UNC5D: variants seen among roughly 807,000 people sequenced by gnomAD.
UNC5D encodes netrin receptor UNC5D.
In UNC5D, 39 loss-of-function variants were observed where a neutral mutation model predicts 105.4. The observed-to-expected ratio is 0.37, with a 90% CI of 0.29 to 0.48. The LOEUF (loss-of-function observed/expected upper bound fraction) is 0.48. UNC5D is among the 20% of genes least tolerant of loss of function. The pLI is 0.98. For synonymous variants in UNC5D, 452 were observed against 450.4 expected (o/e 1.00, Z -0.04); for missense variants, 991 against 1,202.4 (o/e 0.82, Z 2.60).
At position 35,706,701 on chromosome 8, in the gene UNC5D, G is replaced by A. The variant is rs569080138; in HGVS notation, c.1117+740G>A. On this transcript the variant is annotated intron_variant, in intron 8 of 16. Coordinates refer to ENST00000404895, the MANE Select transcript of UNC5D (RefSeq NM_080872.4). ...CTCCTCAGGTGACTCCAAGGTGCAG[G>A]TGGGGCTGAGAACCATGATTTTAGA... 3.8e-4 allele frequency among the ~76,000 whole-genome samples: 58 copies of A among 152,258 alleles called. No individual in the cohort carries two copies. In the South Asian group the frequency reaches 0.012, roughly 31 times the overall value.
At chr8:35,673,418 A>G (rs1396903611) in intron 4 of UNC5D, among the ~76,000 whole-genome samples, 2 of 152,212 alleles carry the variant, frequency 1.3e-5, no homozygotes, top group African/African-American at 4.8e-5. Context: ...TTAGGCAAAT[A>G]TTAAAGAGTA....
rs77038652 is a variant in UNC5D at position 35,279,516 on chromosome 8, A to G, written c.103+43629A>G. Among the ~76,000 whole-genome samples, 202 of 152,328 alleles carry G rather than the reference A, an allele frequency of 1.3e-3. 2 individuals are homozygous for G. In the East Asian group the frequency reaches 0.033, roughly 25 times the overall value. On this transcript the variant is annotated intron_variant, in intron 1 of 16. Coordinates refer to ENST00000404895, the MANE Select transcript of UNC5D (RefSeq NM_080872.4). ...TGCAATGAAGAGAAAACTTGTCAGC[A>G]TTGTATTTTTGTTGTAGGTCACCAT... is the stretch of plus-strand genomic sequence containing the variant.
intron 1 of UNC5D, among the ~76,000 whole-genome samples, chr8:35,461,304 C>T (rs1808877298): frequency 6.6e-6 from 1 of 152,162 alleles, no homozygotes; most frequent in South Asian, 2.1e-4. Context: ...TATGCTTGAA[C>T]TCCCTATCTG....
intron 11 of UNC5D, among the ~76,000 whole-genome samples, chr8:35,741,960 C>A (rs983346647): frequency 4.6e-5 from 7 of 152,146 alleles, no homozygotes; most frequent in African/African-American, 1.7e-4. Context: ...AGTTTTAGAA[C>A]CACTTGAAGA....
At chr8:35,542,603 T>C (rs1373371219) in intron 1 of UNC5D, among the ~76,000 whole-genome samples, 1 of 152,232 alleles carries the variant, frequency 6.6e-6, no homozygotes, top group African/African-American at 2.4e-5. Context: ...TTAGCCTGCT[T>C]TGCAAGATAG....
At chr8:35,698,549 A>G (rs573263386) in intron 7 of UNC5D, among the ~76,000 whole-genome samples, 3 of 152,252 alleles carry the variant, frequency 2.0e-5, no homozygotes, top group African/African-American at 7.2e-5. Flanking sequence ...TTTACTTAGT[A>G]TATTCTGCAA....
chr8:35,523,248 A>G (rs529619479), intron 1 of UNC5D, among the ~76,000 whole-genome samples: 1 of 152,000 alleles, frequency 6.6e-6, no homozygotes, highest in African/African-American at 2.4e-5. Flanking sequence ...ACGTCTAGCT[A>G]ACTTTTTATT....
chr8:35,683,892 A>G (rs1210153937), intron 5 of UNC5D, among the ~76,000 whole-genome samples, 165 bp downstream of exon 5: 2 of 152,098 alleles, frequency 1.3e-5, no homozygotes, highest in Non-Finnish European at 2.9e-5. Context: ...AAACATCACT[A>G]TTTCTATTAA....
At chr8:35,583,194 C>T (rs1262463238) in intron 3 of UNC5D, among the ~76,000 whole-genome samples, 1 of 152,048 alleles carries the variant, frequency 6.6e-6, no homozygotes, top group Non-Finnish European at 1.5e-5. Context: ...TCTACAAAAA[C>T]ATTTAAAAAT....
chr8:35,566,769 A>G (rs1586147758), intron 2 of UNC5D, among the ~76,000 whole-genome samples: 1 of 152,308 alleles, frequency 6.6e-6, no homozygotes, highest in Middle Eastern at 3.4e-3. Context: ...ACATGAGGCA[A>G]TTAGATGGAA....
intron 16 of UNC5D, among the ~76,000 whole-genome samples, chr8:35,789,601 G>A (rs1802935333): frequency 1.3e-5 from 2 of 151,884 alleles, no homozygotes; most frequent in African/African-American, 4.8e-5. Flanking sequence ...GGAGCTAGAG[G>A]CATCTGTAAC....
At chr8:35,275,415 T>A (rs2128841420) in intron 1 of UNC5D, among the ~76,000 whole-genome samples, 1 of 152,238 alleles carries the variant, frequency 6.6e-6, no homozygotes, top group South Asian at 2.1e-4. Flanking sequence ...TAAATCAGTA[T>A]CATTGTGACA....
chr8:35,736,771 G>A (rs556519718), intron 11 of UNC5D, among the ~76,000 whole-genome samples: 1 of 152,314 alleles, frequency 6.6e-6, no homozygotes, highest in South Asian at 2.1e-4. Context: ...GGTATAAATA[G>A]CATCACATAT....
chr8:35,352,250 TA>T (rs1400673182), intron 1 of UNC5D, among the ~76,000 whole-genome samples: 1 of 152,054 alleles, frequency 6.6e-6, no homozygotes, highest in African/African-American at 2.4e-5. Flanking sequence ...AAATTATGAT[TA>T]AAAGTTACAT....
intron 1 of UNC5D, among the ~76,000 whole-genome samples, chr8:35,331,398 T>C (rs1810620152): frequency 6.6e-6 from 1 of 152,126 alleles, no homozygotes; most frequent in South Asian, 2.1e-4. Context: ...TCCCTGAATA[T>C]GGTGGATTGC....
At chr8:35,541,119 C>T (rs914573439) in intron 1 of UNC5D, among the ~76,000 whole-genome samples, 3 of 152,136 alleles carry the variant, frequency 2.0e-5, no homozygotes, top group Non-Finnish European at 4.4e-5. Flanking sequence ...GAACTGTTCA[C>T]GAATCAAGCA....
At chr8:35,389,540 C>T (rs1307255091) in intron 1 of UNC5D, among the ~76,000 whole-genome samples, 1 of 152,070 alleles carries the variant, frequency 6.6e-6, no homozygotes, top group Non-Finnish European at 1.5e-5. Context: ...GAACCTAGAT[C>T]TCCCCACATC....
intron 1 of UNC5D, among the ~76,000 whole-genome samples, chr8:35,545,856 C>T (rs915138657): frequency 6.6e-6 from 1 of 151,754 alleles, no homozygotes; most frequent in African/African-American, 2.4e-5. Context: ...ACATTCCACC[C>T]TTTTTCTCAT....
intron 1 of UNC5D, among the ~76,000 whole-genome samples, chr8:35,440,211 T>C (rs1807308405): frequency 6.6e-6 from 1 of 151,972 alleles, no homozygotes; most frequent in Admixed American, 6.6e-5. Flanking sequence ...AAACTAAGCA[T>C]GTCCATCTGG....
Sources: gnomAD v4.1 joint callset for allele counts (sites outside exome capture counted in the v4.1 genomes callset) on GRCh38, gnomAD v4.1.1 for gene constraint, MANE v1.5 for transcripts, NCBI Gene and HGNC (gene_info 2026-07-23, HGNC 2026-07-21) for gene names.